The following INPP5K variants were observed in gnomAD, a reference collection of about 807,000 sequenced individuals.
The protein encoded by INPP5K is inositol polyphosphate-5-phosphatase K.
In INPP5K, 35 loss-of-function variants were observed where a neutral mutation model predicts 53.5. The observed-to-expected ratio is 0.65, with a 90% CI of 0.50 to 0.87. The LOEUF is 0.87. Among genes scored for constraint, INPP5K ranks in the 40% least tolerant of loss-of-function variants. The pLI, the probability that INPP5K is intolerant of heterozygous loss-of-function variation, is 0.00. For missense variants in INPP5K, 550 were observed against 586.2 expected, an observed-to-expected ratio of 0.94 and a Z score of 0.64; for synonymous variants, 253 against 232.8, an observed-to-expected ratio of 1.09 and a Z score of -0.79.
intron 3 of INPP5K, among the ~76,000 whole-genome samples, chr17:1,512,813 G>C (rs2075339867): frequency 6.6e-6 from 1 of 152,110 alleles, no homozygotes; most frequent in Non-Finnish European, 1.5e-5. Context: ...TGCACGTCCC[G>C]TATGACCTGA....
chr17:1,496,828 C>A (rs781046046), intron 8 of INPP5K, 25 bp from the exon 9 acceptor site: 2 of 1,610,400 alleles, frequency 1.2e-6, no homozygotes, highest in Non-Finnish European at 1.7e-6. Flanking sequence ...GGGAAGGGGG[C>A]TGAATCTCGC....
At position 1,505,924 on chromosome 17, in the gene INPP5K, C is replaced by A. The variant is rs192076404; in HGVS notation, c.776+1056G>T. On this transcript the variant is annotated intron_variant, in intron 7 of 11. Transcript: ENST00000421807. Reference sequence around the variant, plus strand: ...CCCAAAATGAGTCAGGGACATGTTGCCAGTGGTTCTTTCTCAGGTTTTGGT... The same window carrying A: ...CCCAAAATGAGTCAGGGACATGTTGACAGTGGTTCTTTCTCAGGTTTTGGT... Among the ~76,000 whole-genome samples the A allele has an allele frequency of 6.2e-4, 95 of 152,272 alleles. 1 individual carries two copies. The highest frequency in any genetic ancestry group is 2.2e-3 in the African/African-American group (92 of 41,558).
rs1231264132 is a variant in INPP5K, at chr17:1,514,061, C to T, written c.45-82G>A. On this transcript the variant is annotated intron_variant, in intron 1 of 11. Transcript: ENST00000421807. ...GGTCGGCTGGGCGCAGAGGCTCACA[C>T]GTTGTCATCACAGCACTTTGGGCGG... 31 of 887,764 alleles carry T rather than the reference C, an allele frequency of 3.5e-5. No individual in the cohort carries two copies. The Middle Eastern group carries it at 1.2e-3, about 33-fold the overall frequency. The allele number at this position is 887,764 out of a possible 1,614,324, so 55.0% of individuals were successfully genotyped here.
intron 7 of INPP5K, among the ~76,000 whole-genome samples, chr17:1,499,700 G>A (rs2074955711): frequency 1.3e-5 from 2 of 152,230 alleles, no homozygotes; most frequent in African/African-American, 2.4e-5. Flanking sequence ...TGTCCTTGAG[G>A]CCCTGCCCTC....
In INPP5K at chr17:1,513,566, C is replaced by A. The variant is rs767899260; in HGVS notation, c.153-5G>T. On this transcript the variant is annotated splice_polypyrimidine_tract_variant and splice_region_variant and intron_variant, in intron 2 of 11. Transcript: ENST00000421807. ...CCAGAGTTCAATTCCTGCAAACTGA[C>A]CATGCCAGCTCAGAGGCTTGGCCCC... The A allele has an allele frequency of 5.6e-6, 9 of 1,613,002 alleles. No individual in the cohort carries two copies. In the East Asian group the frequency reaches 2.0e-4, roughly 36 times the overall value.
chr17:1,495,986 C>CTG, intron 11 of INPP5K, 74 bp downstream of exon 11: 1 of 1,427,344 alleles, frequency 7.0e-7, no homozygotes, highest in South Asian at 1.2e-5. Context: ...GGCTGGCTCC[C>CTG]AGGCCTGGGC....
At position 1,495,366 on chromosome 17, in the gene INPP5K, A is replaced by G. The variant is rs1428048318; in HGVS notation, c.*457T>C. The G allele has an allele frequency of 6.3e-6, 1 of 157,778 alleles. No individual in the cohort carries two copies. Among genetic ancestry groups the G allele is most frequent in the African/African-American group, 2.4e-5 (1 of 41,404 alleles). The allele number at this position is 157,778 out of a possible 1,614,324, so 9.8% of individuals were successfully genotyped here. A position where few individuals can be genotyped will look rare whatever the true frequency, so the allele number is the denominator to read the frequency against. On this transcript the variant is annotated 3_prime_UTR_variant, in exon 12 of 12. Transcript: ENST00000421807. Reference sequence around the variant, plus strand: ...CGGGGACAAGCTATGAGATGCCAAGACTCCTGGAATCCAGCACTGCTTGCA... The same window carrying G: ...CGGGGACAAGCTATGAGATGCCAAGGCTCCTGGAATCCAGCACTGCTTGCA...
Position 1,506,961 on chromosome 17 carries a change from C to A in INPP5K, c.776+19G>T, listed in dbSNP as rs555828231. 19 of 1,563,554 alleles carry A rather than the reference C, an allele frequency of 1.2e-5. 1 individual carries two copies. In the Admixed American group the frequency reaches 2.7e-4, roughly 22 times the overall value. ...TAACCTGACTTCCTAGACCTTCTGG[C>A]CCCCCACTCCCTCCTCACCTGGTGT... On this transcript the variant is annotated intron_variant, in intron 7 of 11. Transcript: ENST00000421807.
rs771405190 is a variant in INPP5K at position 1,509,237 on chromosome 17, G to T, written c.495C>A (p.Asp165Glu). Reference protein sequence around the residue: ...SNNYQRLEHFDRILEMQNCEG... With the variant: ...SNNYQRLEHFERILEMQNCEG... ...CACAATTCTGCATCTCCAGGATCCGGTCAAAGTGCTCCAGCCGCTGGTAAT... is the reference window on the plus strand; with the variant it reads ...CACAATTCTGCATCTCCAGGATCCGTTCAAAGTGCTCCAGCCGCTGGTAAT... The change falls in exon 5 of 12, where the codon GAC becomes GAA. Residue 165 changes from aspartate to glutamate, a missense_variant. Transcript: ENST00000421807. 1.9e-6 allele frequency: 3 copies of T among 1,614,084 alleles called. No homozygotes were observed. The highest frequency in any genetic ancestry group is 1.7e-5 in the Admixed American group (1 of 60,016).
At chr17:1,504,285 G>A (rs571780632) in intron 7 of INPP5K, among the ~76,000 whole-genome samples, 13 of 152,192 alleles carry the variant, frequency 8.5e-5, no homozygotes, top group Non-Finnish European at 1.8e-4. Flanking sequence ...GCTGGGGGTG[G>A]CACAAGGCAG....
At chr17:1,495,952 C>T in intron 11 of INPP5K, 73 bp from the exon 12 acceptor site, 1 of 1,438,758 alleles carries the variant, frequency 7.0e-7, no homozygotes, top group Non-Finnish European at 9.8e-7. Context: ...CCCGTTCCTG[C>T]ACTGCAGCGG....
intron 7 of INPP5K, among the ~76,000 whole-genome samples, chr17:1,500,617 G>A (rs1254052579): frequency 1.3e-5 from 2 of 152,132 alleles, no homozygotes; most frequent in Non-Finnish European, 2.9e-5. Flanking sequence ...TGCTCGCCTT[G>A]GCCTCCCAAA....
Position 1,513,914 on chromosome 17 carries a change from T to C in INPP5K, c.110A>G (p.Gln37Arg). 1 of 1,613,540 alleles carries C rather than the reference T, an allele frequency of 6.2e-7. No homozygotes were observed. ...APPLDLSDLL[Q>R]LNNRNLNLDI... The stretch of plus-strand genomic sequence containing the variant: ...AAGATTGAGGTTCCGGTTGTTCAGC[T>C]GAAGCAGGTCACTGAGATCTAGAGG... Residue 37 changes from glutamine to arginine, a missense_variant, in exon 2 of 12, where the codon CAG becomes CGG. By Grantham distance (43) the Gln-to-Arg change is conservative. Coordinates refer to ENST00000421807, the MANE Select transcript of INPP5K (RefSeq NM_016532.4).
At chr17:1,516,047 G>T in intron 1 of INPP5K, 1 of 1,050,288 alleles carries the variant, frequency 9.5e-7, no homozygotes, top group Non-Finnish European at 1.1e-6. Context: ...CTTCCCTAAA[G>T]GATCTTATCT....
intron 7 of INPP5K, among the ~76,000 whole-genome samples, chr17:1,499,010 A>C (rs558249624): frequency 1.4e-4 from 21 of 152,222 alleles, no homozygotes; most frequent in Non-Finnish European, 2.4e-4. Context: ...GCCAGCCAGC[A>C]TGACCACAGA....
intron 1 of INPP5K, chr17:1,515,437 A>C: frequency 1.0e-6 from 1 of 985,554 alleles, no homozygotes; most frequent in Non-Finnish European, 1.2e-6. Context: ...AGATGTCTTT[A>C]GTGGAACAGT....
intron 7 of INPP5K, among the ~76,000 whole-genome samples, chr17:1,506,268 C>A (rs2075152445): frequency 6.6e-6 from 1 of 152,152 alleles, no homozygotes; most frequent in African/African-American, 2.4e-5. Context: ...CAGTGATCCA[C>A]CTGCCTCGGC....
intron 3 of INPP5K, 67 bp downstream of exon 3, chr17:1,513,386 C>T: frequency 8.3e-7 from 1 of 1,208,418 alleles, no homozygotes; most frequent in Non-Finnish European, 1.2e-6. Context: ...CACATCAGAC[C>T]CAACAAGCAG....
chr17:1,501,652 T>C (rs1329590237), intron 7 of INPP5K, among the ~76,000 whole-genome samples: 1 of 152,218 alleles, frequency 6.6e-6, no homozygotes, highest in African/African-American at 2.4e-5. Flanking sequence ...GAATGTGGTA[T>C]TCCCATCCCA....
Sources: gnomAD v4.1 joint callset for allele counts (sites outside exome capture counted in the v4.1 genomes callset) on GRCh38, gnomAD v4.1.1 for gene constraint, MANE v1.5 for transcripts, NCBI Gene and HGNC (gene_info 2026-07-23, HGNC 2026-07-21) for gene names.